Variants in DPEP3 observed in about 807,000 individuals in gnomAD.
DPEP3 encodes the protein membrane-bound dipeptidase 3.
DPEP3 carries 42 observed loss-of-function variants against 47.5 expected under a neutral mutation model. The ratio of observed to expected loss-of-function variants is 0.88; its 90% CI spans 0.69 to 1.14. The LOEUF (loss-of-function observed/expected upper bound fraction) is 1.14, where lower values mean the gene tolerates loss of function less well. Among genes scored for constraint, DPEP3 ranks in the 50% most tolerant of loss-of-function variants. DPEP3 has a pLI of 0.00. For synonymous variants in DPEP3, 276 were observed against 270.2 expected (o/e 1.02, Z -0.21); for missense variants, 560 against 635.0 (o/e 0.88, Z 1.27).
At position 67,978,010 on chromosome 16, in the gene DPEP3, G is replaced by A. The variant is rs1418603133; in HGVS notation, c.687-3C>T. The A allele has an allele frequency of 1.2e-6, 2 of 1,613,808 alleles. No homozygotes were observed. Among genetic ancestry groups the A allele is most frequent in the Non-Finnish European group, 1.7e-6 (2 of 1,179,864 alleles). On this transcript the variant is annotated splice_region_variant and splice_polypyrimidine_tract_variant and intron_variant, in intron 4 of 9. Transcript: ENST00000268793. This position sits in a 1 kb window ranked among gnomAD's most constrained non-coding sequence, Gnocchi z 4.4. ...TGAACTTGGTGGAACTCTCTGCCCT[G>A]CAGGACAGCCATGGAAGGGCAATTT...
Position 67,976,017 on chromosome 16 carries a change from C to A in DPEP3, c.1231-16G>T. On this transcript the variant is annotated splice_polypyrimidine_tract_variant and intron_variant, in intron 9 of 9. Coordinates refer to ENST00000268793, the MANE Select transcript of DPEP3 (RefSeq NM_001370198.1). ...CCTCTCTCACCTGGGGGAGGAAGTC[C>A]GCAGTCAGAGGCTCCCACAGCAATC... is the stretch of plus-strand genomic sequence containing the variant. 6.2e-7 allele frequency: 1 copy of A among 1,613,506 alleles called. No individual in the cohort carries two copies. Among genetic ancestry groups the A allele is most frequent in the South Asian group, 1.1e-5 (1 of 91,060 alleles).
chr16:67,977,216 G>A (rs1448870565), intron 7 of DPEP3, 54 bp downstream of exon 7: 19 of 1,539,014 alleles, frequency 1.2e-5, no homozygotes, highest in Non-Finnish European at 1.5e-5. Context: ...CGTCCTGAGG[G>A]CCCTGGCAGC....
chr16:67,976,138 A>T lies in DPEP3; in HGVS notation c.1185T>A (p.Gly395=), dbSNP rs779947341. Residue 395 remains glycine (G), a synonymous_variant, in exon 9 of 10, where the codon GGT becomes GGA. Transcript: ENST00000268793. ...CCCGCAGCAGGTTTCCACGAAGGAC[A>T]CCTTGAAGCTCTTCCTCGCTCCAGC... ...SRSWSEEELQ[G]VLRGNLLRVF... is the part of the protein sequence containing the mutation. The T allele has an allele frequency of 1.9e-6, 3 of 1,614,138 alleles. No homozygotes were observed. Among genetic ancestry groups the T allele is most frequent in the Non-Finnish European group, 2.5e-6 (3 of 1,180,020 alleles).
chr16:67,979,669 G>C lies in DPEP3; in HGVS notation c.384C>G (p.Asp128Glu). ...CACCCACGAGGCCGTCTCTAAGCCTGTCCAGGCTGGTCTGACCATGGCTGA... is the reference window on the plus strand; with the variant it reads ...CACCCACGAGGCCGTCTCTAAGCCTCTCCAGGCTGGTCTGACCATGGCTGA... ...RNFSHGQTSL[D>E]RLRDGLVGAQ... Residue 128 changes from aspartate to glutamate, a missense_variant, in exon 2 of 10, where the codon GAC becomes GAG. Physicochemically the swap from Asp to Glu is conservative, Grantham distance 45. Transcript: ENST00000268793. 6.2e-7 allele frequency: 1 copy of C among 1,614,122 alleles called. No homozygotes were observed. The highest frequency in any genetic ancestry group is 8.5e-7 in the Non-Finnish European group (1 of 1,180,024).
At position 67,978,190 on chromosome 16, in the gene DPEP3, C is replaced by A; in HGVS notation, c.686+77G>T. The A allele has an allele frequency of 6.2e-7, 1 of 1,607,282 alleles. No individual in the cohort carries two copies. The highest frequency in any genetic ancestry group is 8.5e-7 in the Non-Finnish European group (1 of 1,175,554). On this transcript the variant is annotated intron_variant, in intron 4 of 9. Transcript: ENST00000268793. The surrounding 1 kb of genome is among the most constrained non-coding windows in gnomAD (Gnocchi z 4.4). ...CTGCGGACCCCTTCATCCTCAACGG[C>A]TTGGTCACACCCATGCCAGGAATGG... is the stretch of plus-strand genomic sequence containing the variant.
At chr16:67,976,539 G>A (rs1391178402) in intron 8 of DPEP3, among the ~76,000 whole-genome samples, 161 bp downstream of exon 8, 1 of 152,230 alleles carries the variant, frequency 6.6e-6, no homozygotes, top group African/African-American at 2.4e-5. Context: ...AAGGGACAGG[G>A]AGAAACTAGG....
chr16:67,976,871 A>G (rs534381140), intron 7 of DPEP3, 96 bp from the exon 8 acceptor site: 1 of 1,064,296 alleles, frequency 9.4e-7, no homozygotes, highest in African/African-American at 1.6e-5. Context: ...GGCTCCACAG[A>G]GCTAGCTCAT....
intron 8 of DPEP3, 134 bp downstream of exon 8, chr16:67,976,566 T>A: frequency 1.2e-6 from 1 of 808,962 alleles, no homozygotes; most frequent in Non-Finnish European, 2.0e-6. Flanking sequence ...GCCCTGAGAG[T>A]GGGGAGTGTC....
intron 1 of DPEP3, 96 bp downstream of exon 1, chr16:67,979,998 G>T (rs1212484151): frequency 6.8e-6 from 10 of 1,479,802 alleles, no homozygotes; most frequent in Non-Finnish European, 9.1e-7. Context: ...GTGTGAGGGA[G>T]CCTCCTTGAT....
chr16:67,978,348 T>G lies in DPEP3; in HGVS notation c.605A>C (p.Asp202Ala). The change falls in exon 4 of 10, where the codon GAC becomes GCC. Residue 202 changes from aspartate (D) to alanine (A), a missense_variant. Physicochemically the swap from Asp to Ala is moderately radical, Grantham distance 126. Coordinates refer to ENST00000268793, the MANE Select transcript of DPEP3 (RefSeq NM_001370198.1). The surrounding 1 kb of genome is among the most constrained non-coding windows in gnomAD (Gnocchi z 4.4). ...LIGVEGGHSL[D>A]SSLSVLRSFY... ...ACTGCGCAGCACAGAGAGGCTGCTG[T>G]CCAGTGAGTGACCACCCTCCACGCC... The G allele has an allele frequency of 6.2e-7, 1 of 1,614,064 alleles. No individual in the cohort carries two copies. Among genetic ancestry groups the G allele is most frequent in the Non-Finnish European group, 8.5e-7 (1 of 1,179,954 alleles).
intron 2 of DPEP3, 120 bp downstream of exon 2, chr16:67,979,519 A>G: frequency 6.9e-7 from 1 of 1,454,558 alleles, no homozygotes; most frequent in South Asian, 1.3e-5. Context: ...TAGAAACCAC[A>G]TGATGGCACA....
intron 2 of DPEP3, among the ~76,000 whole-genome samples, chr16:67,979,017 T>G (rs1172877889): frequency 2.0e-5 from 3 of 152,152 alleles, no homozygotes; most frequent in African/African-American, 4.8e-5. Context: ...CATAAATTAC[T>G]GTTACGGCCA....
At chr16:67,976,916 G>A in intron 7 of DPEP3, 141 bp from the exon 8 acceptor site, 1 of 723,676 alleles carries the variant, frequency 1.4e-6, no homozygotes, top group Non-Finnish European at 2.3e-6. Flanking sequence ...GTACAGGCTG[G>A]TCACTGGACC....
rs1417572614 is a variant in DPEP3 at position 67,978,243 on chromosome 16, A to T, written c.686+24T>A. 3 of 1,613,918 alleles carry T rather than the reference A, an allele frequency of 1.9e-6. No individual in the cohort carries two copies. The highest frequency in any genetic ancestry group is 1.7e-6 in the Non-Finnish European group (2 of 1,179,860). ...CAGTTTCCACACCATGCCATCTAGC[A>T]TCCTGGCCAGGTGTTATGCTCACCA... On this transcript the variant is annotated intron_variant, in intron 4 of 9. Transcript: ENST00000268793. The surrounding 1 kb of genome is among the most constrained non-coding windows in gnomAD (Gnocchi z 4.4).
chr16:67,977,950 TG>T lies in DPEP3; in HGVS notation c.743del (p.Thr248LysfsTer7), dbSNP rs774218055. On this transcript the variant is annotated frameshift_variant, in exon 5 of 10. Coordinates refer to ENST00000268793, the MANE Select transcript of DPEP3 (RefSeq NM_001370198.1). LOFTEE classifies it high-confidence loss of function. Reference protein sequence around the residue: ...HHMYTNVSGLTSFGEKVVEEL... With the variant: ...HHMYTNVSGLXSFGEKVVEEL... ...CAGGAGTCCTCACCTCACCAAAGCT[TG>T]TCAATCCGCTGACGTTGGTGTACAT... The T allele has an allele frequency of 6.2e-6, 10 of 1,613,956 alleles. No individual in the cohort carries two copies. In the East Asian group the frequency reaches 1.1e-4, roughly 18 times the overall value.
rs748419109 is a variant in DPEP3 at position 67,976,792 on chromosome 16, G to A, written c.1019-17C>T. ...CAAAGTGATCTAGGGTGGAGGTGAG[G>A]GTGGGCAGCACTAGGCTAGTTAGAC... On this transcript the variant is annotated splice_polypyrimidine_tract_variant and intron_variant, in intron 7 of 9. Coordinates refer to ENST00000268793, the MANE Select transcript of DPEP3 (RefSeq NM_001370198.1). 1.9e-6 allele frequency: 3 copies of A among 1,612,126 alleles called. No individual in the cohort carries two copies. The South Asian group carries it at 3.3e-5, about 18-fold the overall frequency.
chr16:67,977,604 A>C, intron 6 of DPEP3, 49 bp downstream of exon 6: 1 of 1,568,668 alleles, frequency 6.4e-7, no homozygotes, highest in Non-Finnish European at 8.6e-7. Context: ...CAGGGTCAAG[A>C]ACCTTTGGAT....
At position 67,977,994 on chromosome 16, in the gene DPEP3, T is replaced by C; in HGVS notation, c.700A>G (p.Thr234Ala). The C allele has an allele frequency of 3.7e-6, 6 of 1,613,872 alleles. No homozygotes were observed. Among genetic ancestry groups the C allele is most frequent in the Non-Finnish European group, 5.1e-6 (6 of 1,179,858 alleles). Residue 234 changes from threonine to alanine, a missense_variant, in exon 5 of 10, where the codon ACC becomes GCC. Thr to Ala is a moderately conservative substitution (Grantham distance 58, BLOSUM62 0). Coordinates refer to ENST00000268793, the MANE Select transcript of DPEP3 (RefSeq NM_001370198.1). ...TCSTPWAESS[T>A]KFRHHMYTNV... ...GTGTACATGTGGTGTCTGAACTTGGTGGAACTCTCTGCCCTGCAGGACAGC... is the reference window on the plus strand; with the variant it reads ...GTGTACATGTGGTGTCTGAACTTGGCGGAACTCTCTGCCCTGCAGGACAGC...
intron 1 of DPEP3, 60 bp downstream of exon 1, chr16:67,980,034 C>A: frequency 6.5e-7 from 1 of 1,544,752 alleles, no homozygotes; most frequent in South Asian, 1.3e-5. Context: ...ATGCTCAGAA[C>A]CTCCTCTCCT....
Sources: gnomAD v4.1 joint callset for allele counts (sites outside exome capture counted in the v4.1 genomes callset) on GRCh38, gnomAD v4.1.1 for gene constraint, Gnocchi (gnomAD v3.1) non-coding constraint, MANE v1.5 for transcripts, NCBI Gene and HGNC (gene_info 2026-07-23, HGNC 2026-07-21) for gene names.